OCLN: variants seen among roughly 807,000 people sequenced by gnomAD.
The protein encoded by OCLN is phosphatase 1, regulatory subunit 115.
In OCLN, 21 loss-of-function variants were observed where a neutral mutation model predicts 47.9. The ratio of observed to expected loss-of-function variants is 0.44; its 90% CI spans 0.31 to 0.63. The LOEUF is 0.63. Among genes scored for constraint, OCLN ranks in the 30% least tolerant of loss-of-function variants. OCLN has a pLI of 0.08. For missense variants in OCLN, 360 were observed against 571.0 expected, an observed-to-expected ratio of 0.63 and a Z score of 3.77; for synonymous variants, 117 against 198.4, an observed-to-expected ratio of 0.59 and a Z score of 3.45.
At position 69,513,981 on chromosome 5, in the gene OCLN, G is replaced by C. The variant is rs1412047937; in HGVS notation, c.763G>C (p.Val255Leu). The C allele has an allele frequency of 6.2e-7, 1 of 1,613,720 alleles. No individual in the cohort carries two copies. The highest frequency in any genetic ancestry group is 1.3e-5 in the African/African-American group (1 of 74,900). Reference sequence around the variant, plus strand: ...CATTGTACTGGGGTTCATGATTATTGTGGCTTTTGCTTTAATAATTTTCTT... The same window carrying C: ...CATTGTACTGGGGTTCATGATTATTCTGGCTTTTGCTTTAATAATTTTCTT... ...IAIVLGFMII[V>L]AFALIIFFAV... Residue 255 changes from valine to leucine, a missense_variant, in exon 4 of 9, where the codon GTG becomes CTG. This residue lies in a region of OCLN where 314 missense variants were observed against 368.1 expected (regional missense o/e 0.85). Transcript: ENST00000396442.
intron 3 of OCLN, among the ~76,000 whole-genome samples, chr5:69,512,638 G>A (rs1293139256): frequency 6.6e-6 from 1 of 152,188 alleles, no homozygotes. Flanking sequence ...AATTTTGGAT[G>A]TATTGTCATC....
intron 4 of OCLN, among the ~76,000 whole-genome samples, chr5:69,528,620 T>G (rs191432040): frequency 1.4e-3 from 218 of 152,322 alleles, no homozygotes; most frequent in Non-Finnish European, 1.8e-3. Flanking sequence ...CAGAAAGAGC[T>G]GAGCTTTGGA....
At chr5:69,525,341 T>G (rs1769249101) in intron 4 of OCLN, among the ~76,000 whole-genome samples, 1 of 151,902 alleles carries the variant, frequency 6.6e-6, no homozygotes, top group South Asian at 2.1e-4. Flanking sequence ...CCTGACCTCA[T>G]GATCCGCCCG....
chr5:69,513,469 G>C (rs563121137), intron 3 of OCLN, among the ~76,000 whole-genome samples: 1 of 152,162 alleles, frequency 6.6e-6, no homozygotes, highest in Non-Finnish European at 1.5e-5. Context: ...GTGTAAAAAG[G>C]CTTGCCAAGC....
intron 1 of OCLN, among the ~76,000 whole-genome samples, chr5:69,500,653 G>A (rs1390781694): frequency 6.6e-6 from 1 of 151,834 alleles, no homozygotes; most frequent in Non-Finnish European, 1.5e-5. Flanking sequence ...CACCTGCCTC[G>A]GCCTCCCAAA....
At position 69,525,183 on chromosome 5, in the gene OCLN, C is replaced by T. The variant is rs957818568; in HGVS notation, c.892-9511C>T. ...GCAGTGGTGCGATCTCGGCTCACTG[C>T]GAGCTCCACCTCCCGGGTTGACGCC... On this transcript the variant is annotated intron_variant, in intron 4 of 8. Transcript: ENST00000396442. Among the ~76,000 whole-genome samples, 8 of 151,572 alleles carry T rather than the reference C, an allele frequency of 5.3e-5. No individual in the cohort carries two copies. In the East Asian group the frequency reaches 7.8e-4, roughly 15 times the overall value.
chr5:69,514,099 T>A lies in OCLN; in HGVS notation c.881T>A (p.Val294Asp), dbSNP rs774802948. The part of the protein sequence containing the change: ...EHIYDEQPPN[V>D]EEWVKNVSAG... ...ATTTATGATGAGCAGCCCCCCAATG[T>A]CGAGGAGTGGGTAAGTGTTAAAAAA... Residue 294 changes from valine (V) to aspartate (D), a missense_variant, in exon 4 of 9, where the codon GTC becomes GAC. By Grantham distance (152) the Val-to-Asp change is radical (BLOSUM62 -3). Around this residue, in one of 3 missense-constraint regions of OCLN, gnomAD observed 314 missense variants for 368.1 expected, o/e 0.85. Coordinates refer to ENST00000396442, the MANE Select transcript of OCLN (RefSeq NM_001205254.2). 1.2e-6 allele frequency: 2 copies of A among 1,614,104 alleles called. No homozygotes were observed. Among genetic ancestry groups the A allele is most frequent in the Non-Finnish European group, 1.7e-6 (2 of 1,179,936 alleles).
rs1488282986 is a variant in OCLN, at chr5:69,523,668, T to C, written c.891+9559T>C. ...CTCCTGCCTCAGCCTCCTAAGTAGC[T>C]GGGATTACAGGCATGTGTCACCACA... On this transcript the variant is annotated intron_variant, in intron 4 of 8. Coordinates refer to ENST00000396442, the MANE Select transcript of OCLN (RefSeq NM_001205254.2). 1.8e-4 allele frequency among the ~76,000 whole-genome samples: 28 copies of C among 151,944 alleles called. 1 individual carries two copies. The highest frequency in any genetic ancestry group is 1.8e-3 in the Admixed American group (27 of 15,252).
At chr5:69,508,138 G>A (rs190321187) in intron 2 of OCLN, among the ~76,000 whole-genome samples, 5 of 151,586 alleles carry the variant, frequency 3.3e-5, no homozygotes, top group Admixed American at 3.3e-4. Flanking sequence ...TGGGTTCAAG[G>A]GATTCTTGAT....
intron 2 of OCLN, among the ~76,000 whole-genome samples, chr5:69,508,379 C>T (rs1225626079): frequency 1.3e-5 from 2 of 151,940 alleles, no homozygotes; most frequent in Admixed American, 6.6e-5. Context: ...CTTGCTCTGT[C>T]ACTCAGGGTA....
chr5:69,517,765 T>G (rs1455312325), intron 4 of OCLN, among the ~76,000 whole-genome samples: 1 of 152,136 alleles, frequency 6.6e-6, no homozygotes, highest in Non-Finnish European at 1.5e-5. Flanking sequence ...AGTTCTTATG[T>G]CCCTGCCCTT....
At chr5:69,513,002 G>C (rs1347104122) in intron 3 of OCLN, among the ~76,000 whole-genome samples, 4 of 152,120 alleles carry the variant, frequency 2.6e-5, no homozygotes, top group African/African-American at 9.7e-5. Context: ...GGTTTTCCCT[G>C]CAGACGTAGG....
chr5:69,496,031 T>C lies in OCLN; in HGVS notation c.-69+3131T>C, dbSNP rs150281420. Among the ~76,000 whole-genome samples, 21 of 152,338 alleles carry C rather than the reference T, an allele frequency of 1.4e-4. No homozygotes were observed. In the East Asian group the frequency reaches 4.0e-3, roughly 29 times the overall value. The stretch of plus-strand genomic sequence containing the variant: ...GAGTCTATTACAAAATCTGCCTAAC[T>C]TCAAATTTTTAGACAATTTACTAAT... On this transcript the variant is annotated intron_variant, in intron 1 of 8. Coordinates refer to ENST00000396442, the MANE Select transcript of OCLN (RefSeq NM_001205254.2).
At chr5:69,500,210 G>T (rs1768417112) in intron 1 of OCLN, among the ~76,000 whole-genome samples, 1 of 152,130 alleles carries the variant, frequency 6.6e-6, no homozygotes, top group Non-Finnish European at 1.5e-5. Flanking sequence ...TGCTAATTGG[G>T]TGCCGTAATC....
At position 69,509,387 on chromosome 5, in the gene OCLN, A is replaced by G. The variant is rs1285006396; in HGVS notation, c.297A>G (p.Gly99=). 6.2e-7 allele frequency: 1 copy of G among 1,614,072 alleles called. No individual in the cohort carries two copies. Among genetic ancestry groups the G allele is most frequent in the Middle Eastern group, 1.6e-4 (1 of 6,062 alleles). The part of the protein sequence containing the change: ...WDRGYGTSLL[G]GSVGYPYGGS... ...GAGGCTATGGAACTTCCCTTTTAGG[A>G]GGTAGTGTAGGCTACCCTTATGGAG... Residue 99 remains glycine, a synonymous_variant, in exon 3 of 9, where the codon GGA becomes GGG. Coordinates refer to ENST00000396442, the MANE Select transcript of OCLN (RefSeq NM_001205254.2).
intron 1 of OCLN, among the ~76,000 whole-genome samples, chr5:69,495,446 C>G (rs1490193483): frequency 2.0e-5 from 3 of 152,150 alleles, no homozygotes; most frequent in Non-Finnish European, 4.4e-5. Context: ...TCTTCTTTTT[C>G]TCCCTTTCTC....
chr5:69,512,088 G>C (rs1768806396), intron 3 of OCLN, among the ~76,000 whole-genome samples: 1 of 150,642 alleles, frequency 6.6e-6, no homozygotes, highest in South Asian at 2.1e-4. Flanking sequence ...TTTTTCTTCT[G>C]TTGCTTGTAT....
intron 1 of OCLN, among the ~76,000 whole-genome samples, chr5:69,497,322 A>T (rs768990255): frequency 1.9e-4 from 29 of 151,816 alleles, no homozygotes; most frequent in Non-Finnish European, 4.0e-4. Context: ...TCTGACGTTA[A>T]GTTCTCCAGG....
intron 2 of OCLN, among the ~76,000 whole-genome samples, chr5:69,506,796 A>G (rs1429415689): frequency 6.6e-6 from 1 of 152,220 alleles, no homozygotes; most frequent in Admixed American, 6.5e-5. Context: ...TGGTGGGGAC[A>G]CAAGTTGTTT....
Sources: allele counts gnomAD v4.1 joint callset (sites outside exome capture counted in the v4.1 genomes callset), GRCh38; gene constraint gnomAD v4.1.1; regional missense constraint gnomAD v4.1.1; transcripts MANE v1.5; gene names NCBI Gene and HGNC (gene_info 2026-07-23, HGNC 2026-07-21).